Variants in TMC3 observed in about 807,000 individuals in gnomAD.
The protein encoded by TMC3 is transmembrane channel like 3.
TMC3 carries 98 observed loss-of-function variants against 110.6 expected under a neutral mutation model. That is an observed-to-expected ratio of 0.89 (90% CI 0.75 to 1.05). The LOEUF (loss-of-function observed/expected upper bound fraction) is 1.05. Among genes scored for constraint, TMC3 ranks in the 50% least tolerant of loss-of-function variants. The pLI is 0.00. For synonymous variants in TMC3, 489 were observed against 513.1 expected, an observed-to-expected ratio of 0.95 and a Z score of 0.63; for missense variants, 1,319 against 1,373.2, an observed-to-expected ratio of 0.96 and a Z score of 0.62.
At chr15:81,337,576 G>A in intron 19 of TMC3, 1 of 546,262 alleles carries the variant, frequency 1.8e-6, no homozygotes, top group Non-Finnish European at 3.3e-6. Context: ...GTGGTCACAG[G>A]GTGGGCACTG....
intron 1 of TMC3, 133 bp from the exon 2 acceptor site, chr15:81,372,870 C>CGTGCGTGTGTGT: frequency 5.4e-6 from 3 of 554,748 alleles, no homozygotes; most frequent in Non-Finnish European, 9.6e-6. Flanking sequence ...TGTGTTTGTG[C>CGTGCGTGTGTGT]GTGTGTGTGT....
intron 12 of TMC3, 21 bp downstream of exon 12, chr15:81,346,344 C>A (rs1893827989): frequency 6.2e-7 from 1 of 1,611,376 alleles, no homozygotes; most frequent in Non-Finnish European, 8.5e-7. Flanking sequence ...GGGCAGGCAA[C>A]TATCTGGGAT....
chr15:81,354,338 A>G (rs1216861260), intron 9 of TMC3, among the ~76,000 whole-genome samples: 1 of 152,164 alleles, frequency 6.6e-6, no homozygotes, highest in Non-Finnish European at 1.5e-5. Flanking sequence ...AAGGATATGC[A>G]ATGGGGTTGG....
chr15:81,364,733 A>T (rs1247097081), intron 3 of TMC3, among the ~76,000 whole-genome samples: 1 of 98,754 alleles, frequency 1.0e-5, no homozygotes. Flanking sequence ...AAACTGTAAT[A>T]AAAAAAAAAT....
chr15:81,351,574 A>G (rs9972519), intron 10 of TMC3, 120 bp downstream of exon 10: 106,355 of 1,278,462 alleles, frequency 0.083, 8,494 homozygotes, highest in African/African-American at 0.41. Context: ...CTGGGCTGGA[A>G]CTCCTGACCT....
Position 81,338,448 on chromosome 15 carries a change from C to T in TMC3, c.2081+207G>A, listed in dbSNP as rs140831072. ...AATGGAGTGCTCCCTCATCGCCCCTCGCTGAGACCCAGTGGCTGTGTCTCC... is the reference window on the plus strand; with the variant it reads ...AATGGAGTGCTCCCTCATCGCCCCTTGCTGAGACCCAGTGGCTGTGTCTCC... On this transcript the variant is annotated intron_variant, in intron 18 of 21. Coordinates refer to ENST00000359440, the MANE Select transcript of TMC3 (RefSeq NM_001080532.3). 5.1e-3 allele frequency among the ~76,000 whole-genome samples: 771 copies of T among 152,276 alleles called. 4 individuals carry two copies. The highest frequency in any genetic ancestry group is 8.4e-3 in the Non-Finnish European group (573 of 68,030).
At chr15:81,359,865 T>C (rs1012081828) in intron 4 of TMC3, among the ~76,000 whole-genome samples, 1 of 152,216 alleles carries the variant, frequency 6.6e-6, no homozygotes, top group Non-Finnish European at 1.5e-5. Context: ...CTAAGGGTCT[T>C]TTTGCCTTAA....
At chr15:81,338,105 A>C (rs1893636790) in intron 18 of TMC3, among the ~76,000 whole-genome samples, 181 bp from the exon 19 acceptor site, 1 of 152,186 alleles carries the variant, frequency 6.6e-6, no homozygotes, top group African/African-American at 2.4e-5. Flanking sequence ...AGCACTGGGA[A>C]GGGGCTGCTT....
At position 81,333,206 on chromosome 15, in the gene TMC3, G is replaced by C; in HGVS notation, c.2516C>G (p.Thr839Arg). The C allele has an allele frequency of 1.2e-6, 2 of 1,613,960 alleles. No individual in the cohort carries two copies. The highest frequency in any genetic ancestry group is 1.7e-6 in the Non-Finnish European group (2 of 1,179,868). The change falls in exon 22 of 22, where the codon ACA becomes AGA. Residue 839 changes from threonine (T) to arginine (R), a missense_variant. By Grantham distance (71) the Thr-to-Arg change is moderately conservative (BLOSUM62 -1). Transcript: ENST00000359440. ...GATGTGCGTTGTAAATGTCATAGGT[G>C]TGCGCGATCTGTTCCTGTGAAGGTC... ...TSDLHRNRSR[T>R]PMTFTTHIED...
In TMC3 at chr15:81,332,533, G is replaced by A; in HGVS notation, c.3189C>T (p.Val1063=). The A allele has an allele frequency of 6.2e-7, 1 of 1,613,854 alleles. No homozygotes were observed. The highest frequency in any genetic ancestry group is 1.1e-5 in the South Asian group (1 of 91,058). Residue 1063 remains valine, a synonymous_variant, in exon 22 of 22, where the codon GTC becomes GTT. Coordinates refer to ENST00000359440, the MANE Select transcript of TMC3 (RefSeq NM_001080532.3). ...QNSSADQYLQ[V]THSQGRFPRS... ...TCGGGAACCTGCCCTGGCTGTGGGT[G>A]ACCTGCAGGTACTGGTCAGCGCTGC...
chr15:81,354,932 A>C (rs1410601597), intron 9 of TMC3, among the ~76,000 whole-genome samples: 1 of 152,090 alleles, frequency 6.6e-6, no homozygotes, highest in Non-Finnish European at 1.5e-5. Flanking sequence ...AGAATCCCAT[A>C]CTTTTATAGG....
chr15:81,356,254 A>G (rs887508536), intron 8 of TMC3, among the ~76,000 whole-genome samples, 193 bp downstream of exon 8: 1 of 152,240 alleles, frequency 6.6e-6, no homozygotes, highest in Non-Finnish European at 1.5e-5. Flanking sequence ...AGGAGTTTCA[A>G]AATGTTTCTC....
At chr15:81,373,205 AC>A (rs1894476581) in intron 1 of TMC3, among the ~76,000 whole-genome samples, 1 of 152,088 alleles carries the variant, frequency 6.6e-6, no homozygotes, top group African/African-American at 2.4e-5. Context: ...CCACTCAGAA[AC>A]CCCTCTTCAC....
At chr15:81,336,356 G>A (rs1050728434) in intron 20 of TMC3, among the ~76,000 whole-genome samples, 6 of 152,198 alleles carry the variant, frequency 3.9e-5, no homozygotes, top group Admixed American at 2.0e-4. Context: ...GGAGGCCAAG[G>A]TGGGTGGATC....
rs146083584 is a variant in TMC3 at position 81,339,384 on chromosome 15, C to G, written c.1955+10G>C. On this transcript the variant is annotated intron_variant, in intron 17 of 21. Transcript: ENST00000359440. ...CAGTCACTCCGGGCAGAGCTGGGAA[C>G]GAAACTTACCTGAATGGCCCACAGT... 3.1e-6 allele frequency: 5 copies of G among 1,599,102 alleles called. No individual in the cohort carries two copies. The highest frequency in any genetic ancestry group is 4.3e-6 in the Non-Finnish European group (5 of 1,170,914).
chr15:81,359,931 G>A (rs1201431659), intron 4 of TMC3, among the ~76,000 whole-genome samples: 2 of 151,938 alleles, frequency 1.3e-5, no homozygotes. Flanking sequence ...GTGGGTGAAG[G>A]GTACACGGGA....
chr15:81,356,201 A>T (rs2141714250), intron 8 of TMC3, among the ~76,000 whole-genome samples: 1 of 152,380 alleles, frequency 6.6e-6, no homozygotes, highest in Middle Eastern at 3.4e-3. Context: ...AAAATATACA[A>T]ACTGAAATTT....
At chr15:81,347,759 A>G (rs1893856909) in intron 11 of TMC3, among the ~76,000 whole-genome samples, 1 of 152,244 alleles carries the variant, frequency 6.6e-6, no homozygotes, top group African/African-American at 2.4e-5. Flanking sequence ...AGGCCAATTT[A>G]TATAATAGCA....
rs771364855 is a variant in TMC3, at chr15:81,358,230, C to G, written c.662G>C (p.Arg221Thr). The G allele has an allele frequency of 2.5e-6, 4 of 1,613,438 alleles. No homozygotes were observed. In the African/African-American group the frequency reaches 5.3e-5, roughly 22 times the overall value. ...GYYGRERKIG[R>T]AGYRLPLAYF... The stretch of plus-strand genomic sequence containing the variant: ...CGCCAAGGGCAGCCGGTAGCCAGCT[C>G]TCCCGATCTTCCTCTCCCTGCCGTA... The change falls in exon 7 of 22, where the codon AGA (arginine) becomes ACA (threonine). Residue 221 changes from arginine (R) to threonine (T), a missense_variant. Coordinates refer to ENST00000359440, the MANE Select transcript of TMC3 (RefSeq NM_001080532.3).
Sources: gnomAD v4.1 joint callset for allele counts (sites outside exome capture counted in the v4.1 genomes callset) on GRCh38, gnomAD v4.1.1 for gene constraint, MANE v1.5 for transcripts, NCBI Gene and HGNC (gene_info 2026-07-23, HGNC 2026-07-21) for gene names.